CA1: variants seen among roughly 807,000 people sequenced by gnomAD.
CA1 encodes the protein carbonate dehydratase I.
Under a neutral mutation model 28.8 loss-of-function variants are expected in CA1, and 27 were observed. The ratio of observed to expected loss-of-function variants is 0.94; its 90% CI spans 0.69 to 1.29. CA1 has a LOEUF of 1.29. Among genes scored for constraint, CA1 ranks in the 50% most tolerant of loss-of-function variants. CA1 has a pLI of 0.00. For missense variants in CA1, 335 were observed against 310.5 expected, an observed-to-expected ratio of 1.08 and a Z score of -0.59; for synonymous variants, 121 against 108.8, an observed-to-expected ratio of 1.11 and a Z score of -0.70.
chr8:85,353,672 G>C lies in CA1; in HGVS notation c.-24-12013C>G, dbSNP rs558223641. ...TCTTGGAATTTGGCCATTATACAAA[G>C]AGTATTTTTTTTTTGGCTTTGCAAC... On this transcript the variant is annotated intron_variant, in intron 1 of 7. Coordinates refer to ENST00000523022, the MANE Select transcript of CA1 (RefSeq NM_001128831.4). Among the ~76,000 whole-genome samples, 27 of 151,684 alleles carry C rather than the reference G, an allele frequency of 1.8e-4. No individual in the cohort carries two copies. In the South Asian group the frequency reaches 4.4e-3, roughly 25 times the overall value.
intron 1 of CA1, among the ~76,000 whole-genome samples, chr8:85,354,603 A>T (rs778010544): frequency 3.3e-5 from 5 of 152,214 alleles, no homozygotes; most frequent in African/African-American, 1.2e-4. Context: ...TGGAGTCACC[A>T]GTGGAAGTCA....
In CA1 at chr8:85,330,076, C is replaced by T. The variant is rs1040111473; in HGVS notation, c.514-232G>A. The stretch of plus-strand genomic sequence containing the variant: ...GTTATATGTAAGTTTTTGACCAAGA[C>T]GTCTTCCTTCTTCATTTGGTTGCAG... On this transcript the variant is annotated intron_variant, in intron 6 of 7. Coordinates refer to ENST00000523022, the MANE Select transcript of CA1 (RefSeq NM_001128831.4). 1.3e-5 allele frequency among the ~76,000 whole-genome samples: 2 copies of T among 151,980 alleles called. 1 individual carries two copies. Among genetic ancestry groups the T allele is most frequent in the South Asian group, 4.1e-4 (2 of 4,826 alleles).
At chr8:85,357,178 G>A (rs900845519) in intron 1 of CA1, among the ~76,000 whole-genome samples, 1 of 152,132 alleles carries the variant, frequency 6.6e-6, no homozygotes, top group African/African-American at 2.4e-5. Flanking sequence ...GTCACATCAG[G>A]TCATGTGTTT....
At chr8:85,338,638 TTCTTTCTTTCTTTCTTTCTTTC>T (rs1179253790) in intron 2 of CA1, among the ~76,000 whole-genome samples, 189 bp from the exon 3 acceptor site, 1 of 10,886 alleles carries the variant, frequency 9.2e-5, no homozygotes, top group African/African-American at 3.3e-4. Flanking sequence ...TTCTTTTTCT[TTCTTTCTTTCTTTCTTTCTTTC>T]TTTCTTTCTT....
chr8:85,375,137 T>C (rs1383235427), intron 1 of CA1, among the ~76,000 whole-genome samples: 1 of 152,218 alleles, frequency 6.6e-6, no homozygotes, highest in East Asian at 1.9e-4. Context: ...AGCTTAAGCA[T>C]CATTATTTTT....
chr8:85,368,597 T>C (rs796810164), intron 1 of CA1, among the ~76,000 whole-genome samples: 1 of 152,296 alleles, frequency 6.6e-6, no homozygotes, highest in African/African-American at 2.4e-5. Flanking sequence ...GATTGTTTCA[T>C]TGTGACTGAA....
At chr8:85,341,142 C>G (rs1394215895) in intron 2 of CA1, 1 of 101,618 alleles carries the variant, frequency 9.8e-6, no homozygotes, top group Non-Finnish European at 2.2e-5. Context: ...GACTCTGTGT[C>G]AAAGAAAAAA....
intron 1 of CA1, among the ~76,000 whole-genome samples, chr8:85,350,191 GTGA>G (rs1166231811): frequency 1.3e-5 from 2 of 152,166 alleles, no homozygotes; most frequent in African/African-American, 4.8e-5. Flanking sequence ...CTCTAAGTAA[GTGA>G]AGAATTTTCA....
rs1810478850 is a variant in CA1 at position 85,377,948 on chromosome 8, G to A, written c.-25+98C>T. 2.6e-5 allele frequency: 4 copies of A among 152,188 alleles called. No individual in the cohort carries two copies. In the South Asian group the frequency reaches 8.3e-4, roughly 32 times the overall value. The allele number at this position is 152,188 out of a possible 1,614,324, so 9.4% of individuals were successfully genotyped here. ...TCATTGAATAGTAATTAAGATGTAGGTAGGACTGTATTTTACAAGATTTAA... is the reference window on the plus strand; with the variant it reads ...TCATTGAATAGTAATTAAGATGTAGATAGGACTGTATTTTACAAGATTTAA... On this transcript the variant is annotated intron_variant, in intron 1 of 7. Coordinates refer to ENST00000523022, the MANE Select transcript of CA1 (RefSeq NM_001128831.4).
rs1273242384 is a variant in CA1, at chr8:85,338,254, G to T, written c.233C>A (p.Ser78Ter). 6.2e-7 allele frequency: 1 copy of T among 1,612,328 alleles called. No homozygotes were observed. Among genetic ancestry groups the T allele is most frequent in the South Asian group, 1.1e-5 (1 of 91,044 alleles). Residue 78 changes from serine (S) to a stop codon, truncating the protein, a stop_gained and splice_region_variant, in exon 3 of 8, where the codon TCA becomes TAA. Coordinates refer to ENST00000523022, the MANE Select transcript of CA1 (RefSeq NM_001128831.4). LOFTEE classifies it high-confidence loss of function. ...ATCAGAAGGGTCTTTCAGCTCACCTGATCGGTTATCGTTGTCCTCAAAATT... is the reference window on the plus strand; with the variant it reads ...ATCAGAAGGGTCTTTCAGCTCACCTTATCGGTTATCGTTGTCCTCAAAATT... ...HVNFEDNDNRSVLKGGPFSDS... is the reference protein window; with the variant it reads ...HVNFEDNDNR
chr8:85,353,155 G>T (rs1809475048), intron 1 of CA1, among the ~76,000 whole-genome samples: 1 of 152,182 alleles, frequency 6.6e-6, no homozygotes, highest in Non-Finnish European at 1.5e-5. Context: ...AAAGCAAGAA[G>T]AACATGAGCC....
intron 6 of CA1, among the ~76,000 whole-genome samples, chr8:85,330,149 A>G (rs563248100): frequency 2.6e-5 from 4 of 152,274 alleles, no homozygotes; most frequent in South Asian, 4.1e-4. Context: ...TCTTTAAAAC[A>G]TATTTAATTT....
chr8:85,328,889 CAATT>C (rs1389970104), intron 7 of CA1, among the ~76,000 whole-genome samples: 6 of 151,716 alleles, frequency 4.0e-5, no homozygotes, highest in East Asian at 1.9e-4. Flanking sequence ...TTAATTAAAT[CAATT>C]AAATAAAGCA....
chr8:85,333,216 A>G (rs935281984), intron 5 of CA1, among the ~76,000 whole-genome samples: 3 of 152,198 alleles, frequency 2.0e-5, no homozygotes, highest in Non-Finnish European at 4.4e-5. Context: ...AATAAATTTC[A>G]GAATCTATGA....
intron 1 of CA1, among the ~76,000 whole-genome samples, chr8:85,376,806 C>A (rs1229064300): frequency 1.3e-5 from 2 of 152,066 alleles, no homozygotes; most frequent in Non-Finnish European, 2.9e-5. Context: ...GATTGACTTT[C>A]GGGTCGTGTA....
intron 1 of CA1, among the ~76,000 whole-genome samples, chr8:85,366,409 G>A (rs998895769): frequency 1.1e-4 from 16 of 152,136 alleles, no homozygotes; most frequent in African/African-American, 3.9e-4. Context: ...ATAGCCAATG[G>A]CCAACAGTGT....
chr8:85,335,944 C>T (rs1256958116), intron 4 of CA1, among the ~76,000 whole-genome samples: 1 of 152,064 alleles, frequency 6.6e-6, no homozygotes, highest in African/African-American at 2.4e-5. Flanking sequence ...TAGCAGTCTG[C>T]CCTGGAAAAA....
intron 2 of CA1, among the ~76,000 whole-genome samples, chr8:85,338,706 CTT>C (rs1808785186): frequency 1.6e-5 from 2 of 122,804 alleles, no homozygotes; most frequent in Non-Finnish European, 3.4e-5. Context: ...CTCTCTCTTT[CTT>C]TCTCTCTCTT....
At chr8:85,344,801 G>A (rs1396064024) in intron 1 of CA1, among the ~76,000 whole-genome samples, 1 of 152,130 alleles carries the variant, frequency 6.6e-6, no homozygotes, top group East Asian at 1.9e-4. Context: ...ATTCCAAAAA[G>A]CCAGAGCTGC....
Sources: gnomAD v4.1 joint callset for allele counts (sites outside exome capture counted in the v4.1 genomes callset) on GRCh38, gnomAD v4.1.1 for gene constraint, MANE v1.5 for transcripts, NCBI Gene and HGNC (gene_info 2026-07-23, HGNC 2026-07-21) for gene names.